IGSF3: variants seen among roughly 807,000 people sequenced by gnomAD.
IGSF3 encodes glu-Trp-Ile EWI motif-containing protein 3.
IGSF3 carries 23 observed loss-of-function variants against 114.4 expected under a neutral mutation model. That is an observed-to-expected ratio of 0.20 (90% confidence interval 0.14 to 0.28). The LOEUF (loss-of-function observed/expected upper bound fraction) is 0.28, where lower values mean the gene tolerates loss of function less well. IGSF3 is among the 10% of genes least tolerant of loss of function. IGSF3 has a pLI of 1.00. For missense variants in IGSF3, 1,172 were observed against 1,591.5 expected, an observed-to-expected ratio of 0.74 and a Z score of 4.48; for synonymous variants, 571 against 645.2, an observed-to-expected ratio of 0.88 and a Z score of 1.74.
intron 9 of IGSF3, among the ~76,000 whole-genome samples, chr1:116,580,278 C>G (rs1303720344): frequency 6.6e-6 from 1 of 152,148 alleles, no homozygotes; most frequent in African/African-American, 2.4e-5. Context: ...CCACCTGGAA[C>G]CTCAGAATGT....
rs116225288 is a variant in IGSF3, at chr1:116,651,560, T to C, written c.43+14724A>G. Among the ~76,000 whole-genome samples the C allele has an allele frequency of 2.8e-3, 430 of 152,358 alleles. 1 individual carries two copies. The highest frequency in any genetic ancestry group is 5.0e-3 in the Non-Finnish European group (337 of 68,040). On this transcript the variant is annotated intron_variant, in intron 2 of 10. Transcript: ENST00000369486. This position sits in a 1 kb window ranked among gnomAD's most constrained non-coding sequence, Gnocchi z 4.4. ...TTTGGCTAGAGAAAACTGTGTTAAA[T>C]GCAGCCTACCATAGGATCGTTGATT...
At position 116,642,250 on chromosome 1, in the gene IGSF3, G is replaced by A. The variant is rs4044669; in HGVS notation, c.43+24034C>T. On this transcript the variant is annotated intron_variant, in intron 2 of 10. Transcript: ENST00000369486. This position sits in a 1 kb window ranked among gnomAD's most constrained non-coding sequence, Gnocchi z 5.4. ...TACCTCTTATTAGAAAAAAAAACAC[G>A]AAATTTTTTGGTAAAAGAATTATCC... 6.6e-6 allele frequency among the ~76,000 whole-genome samples: 1 copy of A among 151,864 alleles called. No individual in the cohort carries two copies. Among genetic ancestry groups the A allele is most frequent in the African/African-American group, 2.4e-5 (1 of 41,316 alleles).
Position 116,613,870 on chromosome 1 carries a change from C to T in IGSF3, c.727G>A (p.Glu243Lys), listed in dbSNP as rs1321287848. The stretch of plus-strand genomic sequence containing the variant: ...CACTCGGCGGCCTCGCAGTAGAATT[C>T]GCCCTGGTCAGAAGGCTGCAGGTGG... ...IFHLQPSDQG[E>K]FYCEAAEWIQ... Residue 243 changes from glutamate to lysine, a missense_variant, in exon 4 of 11, where the codon GAA (glutamate) becomes AAA (lysine). This residue lies in a region of IGSF3 where 736 missense variants were observed against 1,042.0 expected (regional missense o/e 0.71). Coordinates refer to ENST00000369486, the MANE Select transcript of IGSF3 (RefSeq NM_001007237.3). The T allele has an allele frequency of 9.9e-6, 16 of 1,613,866 alleles. No individual in the cohort carries two copies. The East Asian group carries it at 1.3e-4, about 13-fold the overall frequency.
rs1400837173 is a variant in IGSF3 at position 116,620,633 on chromosome 1, A to G, written c.44-4176T>C. Among the ~76,000 whole-genome samples, 7 of 152,342 alleles carry G rather than the reference A, an allele frequency of 4.6e-5. No homozygotes were observed. In the East Asian group the frequency reaches 1.3e-3, roughly 29 times the overall value. The stretch of plus-strand genomic sequence containing the variant: ...AAAGCAGCCATATGGGGAAGACCAC[A>G]TGAGGCCTCCTGCCAACAGCTAGCA... On this transcript the variant is annotated intron_variant, in intron 2 of 10. Transcript: ENST00000369486.
chr1:116,611,172 T>C (rs574799193), intron 4 of IGSF3, among the ~76,000 whole-genome samples: 10 of 152,234 alleles, frequency 6.6e-5, no homozygotes, highest in Non-Finnish European at 1.5e-4. Context: ...TCCATGGGTT[T>C]TTCTTTCTGA....
chr1:116,596,545 A>G lies in IGSF3; in HGVS notation c.2029+3396T>C, dbSNP rs1571136281. Reference sequence around the variant, plus strand: ...ACTGTGTCTTGAGGAACCTCTACCAATGTCTTATGACCCCAACTTCCAAAA... The same window carrying G: ...ACTGTGTCTTGAGGAACCTCTACCAGTGTCTTATGACCCCAACTTCCAAAA... On this transcript the variant is annotated intron_variant, in intron 7 of 10. Coordinates refer to ENST00000369486, the MANE Select transcript of IGSF3 (RefSeq NM_001007237.3). The surrounding 1 kb of genome is among the most constrained non-coding windows in gnomAD (Gnocchi z 4.1). Among the ~76,000 whole-genome samples the G allele has an allele frequency of 6.6e-6, 1 of 152,210 alleles. No individual in the cohort carries two copies.
chr1:116,599,617 G>A (rs643001), intron 7 of IGSF3, among the ~76,000 whole-genome samples: 59,064 of 151,986 alleles, frequency 0.39, 11,912 homozygotes, highest in Non-Finnish European at 0.41. Flanking sequence ...CAGTGGGTGG[G>A]TAGGTTCTTA....
chr1:116,662,560 C>T lies in IGSF3; in HGVS notation c.43+3724G>A, dbSNP rs1262485649. ...CCAGCAGTCTTGCTGCCATGAAAAC[C>T]GTAGAAGATGGCAACATCTTAACAC... On this transcript the variant is annotated intron_variant, in intron 2 of 10. Coordinates refer to ENST00000369486, the MANE Select transcript of IGSF3 (RefSeq NM_001007237.3). This position sits in a 1 kb window ranked among gnomAD's most constrained non-coding sequence, Gnocchi z 4.3. Among the ~76,000 whole-genome samples the T allele has an allele frequency of 1.3e-5, 2 of 152,232 alleles. No individual in the cohort carries two copies. Among genetic ancestry groups the T allele is most frequent in the East Asian group, 1.9e-4 (1 of 5,178 alleles).
chr1:116,639,869 A>C (rs1467144376), intron 2 of IGSF3, among the ~76,000 whole-genome samples: 1 of 152,044 alleles, frequency 6.6e-6, no homozygotes, highest in Non-Finnish European at 1.5e-5. Context: ...CCCCGTCTCT[A>C]CTGAAAACAC....
intron 5 of IGSF3, among the ~76,000 whole-genome samples, chr1:116,606,842 C>T (rs576573295): frequency 2.6e-5 from 4 of 152,026 alleles, no homozygotes; most frequent in South Asian, 4.2e-4. Flanking sequence ...CATTGCAGGG[C>T]GGAAAAAGCT....
intron 7 of IGSF3, among the ~76,000 whole-genome samples, chr1:116,590,182 C>A (rs1225756672): frequency 6.6e-6 from 1 of 152,026 alleles, no homozygotes; most frequent in East Asian, 1.9e-4. Context: ...GCTCCAAAAA[C>A]AGACAAGAGG....
Position 116,666,503 on chromosome 1 carries a change from G to T in IGSF3, c.-177C>A. The T allele has an allele frequency of 1.5e-6, 1 of 646,108 alleles. No individual in the cohort carries two copies. 40.0% of individuals were successfully genotyped at this position (646,108 alleles called of 1,614,324 possible). The stretch of plus-strand genomic sequence containing the variant: ...AGAAGGAGGGAGTTGGGGGGAAGGG[G>T]AGGAGTGGAGGCAAGTGTGAAAACT... On this transcript the variant is annotated 5_prime_UTR_variant, in exon 2 of 11. Coordinates refer to ENST00000369486, the MANE Select transcript of IGSF3 (RefSeq NM_001007237.3).
At position 116,636,604 on chromosome 1, in the gene IGSF3, T is replaced by C. The variant is rs1414860653; in HGVS notation, c.44-20147A>G. Among the ~76,000 whole-genome samples, 3 of 152,118 alleles carry C rather than the reference T, an allele frequency of 2.0e-5. No homozygotes were observed. Among genetic ancestry groups the C allele is most frequent in the African/African-American group, 7.2e-5 (3 of 41,402 alleles). On this transcript the variant is annotated intron_variant, in intron 2 of 10. Transcript: ENST00000369486. This position sits in a 1 kb window ranked among gnomAD's most constrained non-coding sequence, Gnocchi z 4.5. ...ATCTGGCCCAGACTTGGAGAAGCTG[T>C]GATCTGTCTAGCCCTTCTACACCAG...
chr1:116,579,765 A>G lies in IGSF3; in HGVS notation c.2961T>C (p.Ala987=), dbSNP rs759119662. The change falls in exon 10 of 11, where the codon GCT becomes GCC. Residue 987 remains alanine, a synonymous_variant. Coordinates refer to ENST00000369486, the MANE Select transcript of IGSF3 (RefSeq NM_001007237.3). This position sits in a 1 kb window ranked among gnomAD's most constrained non-coding sequence, Gnocchi z 6.4. ...TAGTCCTCAGGGAATACCAGGCCAC[A>G]GCGAAGCGGGAGTCCTGGCTGGAGC... is the stretch of plus-strand genomic sequence containing the variant. The part of the protein sequence containing the change: ...VSRSSQDSRF[A]VAWYSLRTKA... 1.2e-6 allele frequency: 2 copies of G among 1,613,372 alleles called. No individual in the cohort carries two copies.
At position 116,605,508 on chromosome 1, in the gene IGSF3, T is replaced by G. The variant is rs1466839697; in HGVS notation, c.1223-1483A>C. Among the ~76,000 whole-genome samples the G allele has an allele frequency of 1.3e-5, 2 of 152,132 alleles. No homozygotes were observed. The highest frequency in any genetic ancestry group is 2.1e-4 in the South Asian group (1 of 4,830). ...GGATGATTCATAGAGATGATCAGGC[T>G]CCTGAACAGTCACCATCTATAGCAC... On this transcript the variant is annotated intron_variant, in intron 5 of 10. Transcript: ENST00000369486. This position sits in a 1 kb window ranked among gnomAD's most constrained non-coding sequence, Gnocchi z 5.1.
At chr1:116,622,782 G>A (rs1320517084) in intron 2 of IGSF3, among the ~76,000 whole-genome samples, 2 of 152,174 alleles carry the variant, frequency 1.3e-5, no homozygotes, top group African/African-American at 4.8e-5. Context: ...GGTTTTCAAG[G>A]TTAAGTAAAC....
At position 116,598,705 on chromosome 1, in the gene IGSF3, C is replaced by G. The variant is rs1447506007; in HGVS notation, c.2029+1236G>C. On this transcript the variant is annotated intron_variant, in intron 7 of 10. Coordinates refer to ENST00000369486, the MANE Select transcript of IGSF3 (RefSeq NM_001007237.3). The surrounding 1 kb of genome is among the most constrained non-coding windows in gnomAD (Gnocchi z 4.3). ...TCCAGCCATCTTTGCAAAGTCAAACCCTTGCCCTTGCCTGCACAGGTGTCT... is the reference window on the plus strand; with the variant it reads ...TCCAGCCATCTTTGCAAAGTCAAACGCTTGCCCTTGCCTGCACAGGTGTCT... Among the ~76,000 whole-genome samples the G allele has an allele frequency of 1.3e-5, 2 of 152,176 alleles. No individual in the cohort carries two copies. Among genetic ancestry groups the G allele is most frequent in the African/African-American group, 4.8e-5 (2 of 41,442 alleles).
rs1647676535 is a variant in IGSF3 at position 116,633,279 on chromosome 1, T to A, written c.44-16822A>T. 1.3e-5 allele frequency among the ~76,000 whole-genome samples: 2 copies of A among 152,208 alleles called. No homozygotes were observed. The highest frequency in any genetic ancestry group is 2.9e-5 in the Non-Finnish European group (2 of 68,036). On this transcript the variant is annotated intron_variant, in intron 2 of 10. Coordinates refer to ENST00000369486, the MANE Select transcript of IGSF3 (RefSeq NM_001007237.3). This position sits in a 1 kb window ranked among gnomAD's most constrained non-coding sequence, Gnocchi z 4.3. ...ACCTCCTGCTCTGGGAAATCAGATCTCAGTAGGTCATCAACCATTCCAGGA... is the reference window on the plus strand; with the variant it reads ...ACCTCCTGCTCTGGGAAATCAGATCACAGTAGGTCATCAACCATTCCAGGA...
In IGSF3 at chr1:116,589,046, G is replaced by A. The variant is rs752839059; in HGVS notation, c.2088C>T (p.Pro696=). Residue 696 remains proline, a synonymous_variant, in exon 8 of 11, where the codon CCC becomes CCT. Coordinates refer to ENST00000369486, the MANE Select transcript of IGSF3 (RefSeq NM_001007237.3). This position sits in a 1 kb window ranked among gnomAD's most constrained non-coding sequence, Gnocchi z 5.7. ...KRTLTLVENK[P]IQLNCSVKSQ... is the part of the protein sequence containing the mutation. ...ACTTGACTGAGCAGTTCAACTGAAT[G>A]GGCTTGTTTTCCACCAGGGTGAGGG... The A allele has an allele frequency of 4.3e-6, 7 of 1,614,030 alleles. No individual in the cohort carries two copies. The highest frequency in any genetic ancestry group is 1.7e-5 in the Admixed American group (1 of 60,006).
Sources: gnomAD v4.1 joint callset for allele counts (sites outside exome capture counted in the v4.1 genomes callset) on GRCh38, gnomAD v4.1.1 for gene constraint, gnomAD v4.1.1 regional missense constraint, Gnocchi (gnomAD v3.1) non-coding constraint, MANE v1.5 for transcripts, NCBI Gene and HGNC (gene_info 2026-07-23, HGNC 2026-07-21) for gene names.